LRP1B: variants seen among roughly 807,000 people sequenced by gnomAD.
LRP1B encodes LDL receptor related protein 1B.
Under a neutral mutation model 556.6 loss-of-function variants are expected in LRP1B, and 217 were observed. The observed-to-expected ratio is 0.39, with a 90% CI of 0.35 to 0.44. The LOEUF is 0.44. Ranked by LOEUF, LRP1B falls within the 20% of genes least tolerant of loss-of-function variation. LRP1B has a pLI of 1.00. For missense variants in LRP1B, 5,053 were observed against 5,620.8 expected (o/e 0.90, Z 3.23); for synonymous variants, 2,047 against 1,865.8 (o/e 1.10, Z -2.50).
At chr2:141,860,973 C>A (rs555337951) in intron 1 of LRP1B, among the ~76,000 whole-genome samples, 82 of 152,192 alleles carry the variant, frequency 5.4e-4, no homozygotes, top group African/African-American at 1.9e-3. Flanking sequence ...TAATTTCTGC[C>A]CCTTTGAAAG....
intron 49 of LRP1B, among the ~76,000 whole-genome samples, chr2:140,520,149 A>T (rs1163698928): frequency 6.6e-6 from 1 of 152,188 alleles, no homozygotes; most frequent in Non-Finnish European, 1.5e-5. Flanking sequence ...ATAAACACAC[A>T]TGCACATGTA....
chr2:140,344,295 T>C (rs13002228), intron 77 of LRP1B, among the ~76,000 whole-genome samples: 66,951 of 151,518 alleles, frequency 0.44, 15,482 homozygotes, highest in Non-Finnish European at 0.53. Context: ...AGGAGGCTAC[T>C]GAACCAATTC....
intron 1 of LRP1B, among the ~76,000 whole-genome samples, chr2:141,943,420 A>G (rs931542870): frequency 1.1e-4 from 16 of 152,228 alleles, no homozygotes; most frequent in Non-Finnish European, 1.3e-4. Flanking sequence ...TAAGTAAAAT[A>G]AATGGATTCA....
intron 2 of LRP1B, among the ~76,000 whole-genome samples, chr2:141,668,128 G>A (rs1442947820): frequency 6.6e-6 from 1 of 152,108 alleles, no homozygotes; most frequent in East Asian, 1.9e-4. Context: ...TCCATTTCTA[G>A]GTTCCATCAG....
chr2:140,325,693 T>A, intron 80 of LRP1B, 69 bp downstream of exon 80: 4 of 1,035,046 alleles, frequency 3.9e-6, no homozygotes, highest in Middle Eastern at 2.1e-4. Flanking sequence ...TATCCATACT[T>A]ACATTTTTGT....
Position 141,544,296 on chromosome 2 carries a change from C to CTCTTCTTCT in LRP1B, c.206-63772_206-63764dup, listed in dbSNP as rs1175616888. ...AAGTCTTCTCTTAAGAAATTTACCACTCTTCTTCTTCTTCTTCTTCTTCTT... is the reference window on the plus strand; with the variant it reads ...AAGTCTTCTCTTAAGAAATTTACCACTCTTCTTCTTCTTCTTCTTCTTCTTCTTCTTCTT... On this transcript the variant is annotated intron_variant, in intron 2 of 90. Coordinates refer to ENST00000389484, the MANE Select transcript of LRP1B (RefSeq NM_018557.3). Among the ~76,000 whole-genome samples, 54 of 78,344 alleles carry CTCTTCTTCT rather than the reference C, an allele frequency of 6.9e-4. 3 individuals carry two copies. The highest frequency in any genetic ancestry group is 2.4e-3 in the African/African-American group (46 of 19,386). The allele number at this position is 78,344 out of a possible 152,430, so 51.4% of individuals were successfully genotyped here.
At chr2:141,010,721 G>T (rs1441113150) in intron 14 of LRP1B, among the ~76,000 whole-genome samples, 1 of 151,790 alleles carries the variant, frequency 6.6e-6, no homozygotes, top group Non-Finnish European at 1.5e-5. Flanking sequence ...TCACCATACT[G>T]GCCAGGCTGG....
chr2:140,755,562 T>C (rs929196717), intron 35 of LRP1B, among the ~76,000 whole-genome samples: 1 of 151,562 alleles, frequency 6.6e-6, no homozygotes, highest in Middle Eastern at 3.4e-3. Flanking sequence ...ACAGAATAAG[T>C]GACAAAAGGT....
intron 2 of LRP1B, among the ~76,000 whole-genome samples, chr2:141,500,495 T>C (rs1683675910): frequency 6.6e-6 from 1 of 152,122 alleles, no homozygotes; most frequent in Admixed American, 6.6e-5. Context: ...GTACCATATG[T>C]TTAAAAAATC....
intron 2 of LRP1B, among the ~76,000 whole-genome samples, chr2:141,789,439 TTTG>T (rs1337766710): frequency 1.3e-5 from 2 of 151,900 alleles, no homozygotes; most frequent in African/African-American, 4.8e-5. Flanking sequence ...GAGAAGTAGT[TTTG>T]TTGTTGTTTT....
intron 71 of LRP1B, among the ~76,000 whole-genome samples, chr2:140,366,451 A>G (rs542269464): frequency 1.3e-5 from 2 of 151,814 alleles, no homozygotes; most frequent in Admixed American, 1.3e-4. Context: ...CTGGTGGATA[A>G]ATATGTCTGA....
chr2:141,094,154 CTA>C (rs1368600527), intron 7 of LRP1B, among the ~76,000 whole-genome samples: 2 of 152,118 alleles, frequency 1.3e-5, no homozygotes, highest in Non-Finnish European at 2.9e-5. Context: ...TTATAAAGGT[CTA>C]TGGCTATTTA....
At chr2:141,972,277 T>C (rs1217385758) in intron 1 of LRP1B, among the ~76,000 whole-genome samples, 1 of 151,642 alleles carries the variant, frequency 6.6e-6, no homozygotes, top group African/African-American at 2.4e-5. Flanking sequence ...TGTTAGTTGA[T>C]TTAGATTGAG....
intron 41 of LRP1B, among the ~76,000 whole-genome samples, chr2:140,617,760 G>T (rs1475013484): frequency 6.6e-6 from 1 of 151,912 alleles, no homozygotes; most frequent in Non-Finnish European, 1.5e-5. Context: ...TAAAAAGTAA[G>T]TTCTATTTTG....
intron 3 of LRP1B, among the ~76,000 whole-genome samples, chr2:141,471,101 T>C (rs1008817406): frequency 3.2e-4 from 49 of 152,140 alleles, no homozygotes; most frequent in African/African-American, 1.2e-3. Context: ...GAGGTAAGGA[T>C]TACTGTTTAT....
chr2:140,291,485 G>A (rs886645932), intron 84 of LRP1B, among the ~76,000 whole-genome samples: 6 of 150,470 alleles, frequency 4.0e-5, no homozygotes, highest in Admixed American at 1.3e-4. Context: ...AACAGGCCCC[G>A]GTGTGTGATG....
intron 41 of LRP1B, among the ~76,000 whole-genome samples, chr2:140,672,072 G>A (rs1685504537): frequency 6.6e-6 from 1 of 152,178 alleles, no homozygotes; most frequent in African/African-American, 2.4e-5. Flanking sequence ...CAAAATTCCT[G>A]TCCATCTGTG....
chr2:140,800,686 A>G (rs557710287), intron 32 of LRP1B, among the ~76,000 whole-genome samples: 86 of 151,516 alleles, frequency 5.7e-4, no homozygotes, highest in Admixed American at 7.2e-4. Context: ...GTTTTGTTTA[A>G]CTCTTTTACT....
intron 66 of LRP1B, among the ~76,000 whole-genome samples, chr2:140,440,031 G>C (rs1686357932): frequency 6.6e-6 from 1 of 151,858 alleles, no homozygotes; most frequent in African/African-American, 2.4e-5. Context: ...AATAAAAACA[G>C]AACAAATTAT....
Sources: allele counts gnomAD v4.1 joint callset (sites outside exome capture counted in the v4.1 genomes callset), GRCh38; gene constraint gnomAD v4.1.1; transcripts MANE v1.5; gene names NCBI Gene and HGNC (gene_info 2026-07-23, HGNC 2026-07-21).